DOCK3: variants seen among roughly 807,000 people sequenced by gnomAD.
DOCK3 encodes dedicator of cytokinesis protein 3.
A neutral mutation model predicts 265.6 loss-of-function variants in DOCK3; 60 were observed. That is an observed-to-expected ratio of 0.23 (90% CI 0.18 to 0.28). The LOEUF (loss-of-function observed/expected upper bound fraction) is 0.28. Among genes scored for constraint, DOCK3 ranks in the 10% least tolerant of loss-of-function variants. The pLI, the probability that DOCK3 is intolerant of heterozygous loss-of-function variation, is 1.00. For synonymous variants in DOCK3, 881 were observed against 938.0 expected (o/e 0.94, Z 1.11); for missense variants, 1,981 against 2,594.3 (o/e 0.76, Z 5.14).
chr3:50,948,760 T>G (rs2076512014), intron 5 of DOCK3, among the ~76,000 whole-genome samples: 1 of 152,174 alleles, frequency 6.6e-6, no homozygotes, highest in Non-Finnish European at 1.5e-5. Context: ...ATTACAGGCA[T>G]GAGCCACCAC....
intron 2 of DOCK3, among the ~76,000 whole-genome samples, chr3:50,810,270 G>T (rs1400621005): frequency 6.6e-6 from 1 of 152,020 alleles, no homozygotes; most frequent in African/African-American, 2.4e-5. Flanking sequence ...TATTTAGCTG[G>T]CGGGGTGCGG....
At chr3:51,094,778 C>T (rs2082771589) in intron 9 of DOCK3, among the ~76,000 whole-genome samples, 2 of 151,524 alleles carry the variant, frequency 1.3e-5, no homozygotes, top group Non-Finnish European at 2.9e-5. Context: ...TTAGATATCT[C>T]CCACTATTAT....
chr3:51,029,532 AG>A (rs1186290935), intron 5 of DOCK3, among the ~76,000 whole-genome samples: 3 of 152,228 alleles, frequency 2.0e-5, no homozygotes, highest in African/African-American at 7.2e-5. Context: ...ACAGGGGGAA[AG>A]AGATGATTCT....
chr3:51,227,456 C>G lies in DOCK3; in HGVS notation c.1540+11C>G. The G allele has an allele frequency of 6.2e-7, 1 of 1,613,610 alleles. No individual in the cohort carries two copies. The highest frequency in any genetic ancestry group is 8.5e-7 in the Non-Finnish European group (1 of 1,179,626). ...TCAGACATTGTTCCAGTGAGTTAGA[C>G]TTCCCCCCCTCCACATTCCCTTGAG... On this transcript the variant is annotated intron_variant, in intron 16 of 52. Coordinates refer to ENST00000266037, the MANE Select transcript of DOCK3 (RefSeq NM_004947.5).
intron 22 of DOCK3, among the ~76,000 whole-genome samples, chr3:51,253,381 A>AACGAGTTAGGGAGG (rs1331426924): frequency 4.6e-5 from 7 of 152,160 alleles, no homozygotes; most frequent in African/African-American, 1.7e-4. Context: ...GGTCTCATAA[A>AACGAGTTAGGGAGG]ACGAGTTAGG....
At chr3:50,793,463 A>C (rs1400057925) in intron 2 of DOCK3, among the ~76,000 whole-genome samples, 1 of 147,418 alleles carries the variant, frequency 6.8e-6, no homozygotes, top group East Asian at 2.0e-4. Context: ...GCTTCAAGTG[A>C]TTCTCCTGCC....
chr3:51,167,656 A>T (rs2086474858), intron 12 of DOCK3, among the ~76,000 whole-genome samples: 2 of 152,084 alleles, frequency 1.3e-5, no homozygotes, highest in African/African-American at 4.8e-5. Context: ...CAGTAAATAG[A>T]TCATTCACTT....
At chr3:51,169,671 A>G (rs1213162190) in intron 12 of DOCK3, among the ~76,000 whole-genome samples, 3 of 152,036 alleles carry the variant, frequency 2.0e-5, no homozygotes, top group African/African-American at 7.3e-5. Flanking sequence ...AATAATCTGT[A>G]CAGCCAACCC....
intron 2 of DOCK3, among the ~76,000 whole-genome samples, chr3:50,829,634 A>T (rs2045008072): frequency 6.6e-6 from 1 of 152,096 alleles, no homozygotes; most frequent in African/African-American, 2.4e-5. Flanking sequence ...CTTCTCTTGG[A>T]GATTATAGTG....
intron 5 of DOCK3, among the ~76,000 whole-genome samples, chr3:51,041,715 C>T (rs1221421925): frequency 6.6e-6 from 1 of 152,132 alleles, no homozygotes; most frequent in Non-Finnish European, 1.5e-5. Flanking sequence ...CAATAGGTCT[C>T]AGCGGTGGGC....
intron 37 of DOCK3, among the ~76,000 whole-genome samples, chr3:51,340,356 C>T (rs2085160649): frequency 6.6e-6 from 1 of 152,210 alleles, no homozygotes; most frequent in Non-Finnish European, 1.5e-5. Flanking sequence ...AGAGAAAAGG[C>T]TTCCTGATCC....
At chr3:50,719,216 G>A (rs1175873234) in intron 1 of DOCK3, among the ~76,000 whole-genome samples, 2 of 149,160 alleles carry the variant, frequency 1.3e-5, no homozygotes, top group Admixed American at 6.7e-5. Flanking sequence ...AGTTTTACAT[G>A]TCTATTATAC....
intron 5 of DOCK3, among the ~76,000 whole-genome samples, chr3:50,945,037 A>G (rs566864790): frequency 6.6e-6 from 1 of 152,344 alleles, no homozygotes; most frequent in South Asian, 2.1e-4. Flanking sequence ...CAACTTAAAC[A>G]TGGCATTTTC....
intron 5 of DOCK3, among the ~76,000 whole-genome samples, chr3:51,043,877 C>A (rs983575408): frequency 6.6e-6 from 1 of 152,050 alleles, no homozygotes; most frequent in East Asian, 1.9e-4. Context: ...CACAATGAGA[C>A]ACCATCTAAT....
At chr3:51,227,892 A>C (rs2090396728) in intron 16 of DOCK3, 90 bp from the exon 17 acceptor site, 1 of 1,285,280 alleles carries the variant, frequency 7.8e-7, no homozygotes, top group Non-Finnish European at 1.1e-6. Context: ...GGCGAGGAAC[A>C]AAAGAGCATA....
chr3:51,051,490 A>C (rs2080991359), intron 5 of DOCK3, among the ~76,000 whole-genome samples: 1 of 152,234 alleles, frequency 6.6e-6, no homozygotes, highest in Non-Finnish European at 1.5e-5. Context: ...TACTAGGCAC[A>C]GTTAACCCCT....
At chr3:50,821,855 G>C (rs2044455650) in intron 2 of DOCK3, among the ~76,000 whole-genome samples, 1 of 152,032 alleles carries the variant, frequency 6.6e-6, no homozygotes, top group Non-Finnish European at 1.5e-5. Context: ...TTTCTATTCT[G>C]TTCCATTGAT....
At chr3:51,288,799 A>T (rs2081559493) in intron 27 of DOCK3, among the ~76,000 whole-genome samples, 1 of 152,120 alleles carries the variant, frequency 6.6e-6, no homozygotes, top group Non-Finnish European at 1.5e-5. Context: ...CTCTGACTGC[A>T]GGTAAAGGCT....
chr3:51,232,127 C>T lies in DOCK3; in HGVS notation c.1917+2518C>T, dbSNP rs560933056. On this transcript the variant is annotated intron_variant, in intron 19 of 52. Transcript: ENST00000266037. Reference sequence around the variant, plus strand: ...TTCATTTTTTGCCAATTGTTACACTCTCTTTTTTATGTTTTTTTTTATAGT... The same window carrying T: ...TTCATTTTTTGCCAATTGTTACACTTTCTTTTTTATGTTTTTTTTTATAGT... Among the ~76,000 whole-genome samples, 4 of 152,210 alleles carry T rather than the reference C, an allele frequency of 2.6e-5. No homozygotes were observed. In the South Asian group the frequency reaches 6.2e-4, roughly 24 times the overall value.
Sources: allele counts gnomAD v4.1 joint callset (sites outside exome capture counted in the v4.1 genomes callset), GRCh38; gene constraint gnomAD v4.1.1; transcripts MANE v1.5; gene names NCBI Gene and HGNC (gene_info 2026-07-23, HGNC 2026-07-21).